Variants in ARK2N observed in about 807,000 individuals in gnomAD.
The protein encoded by ARK2N is arkadia (RNF111) N-terminal like PKA signaling regulator 2N.
the ARK2N span, among the ~76,000 whole-genome samples, chr18:46,192,270 A>G: frequency 6.6e-6 from 1 of 152,084 alleles, no homozygotes; most frequent in African/African-American, 2.4e-5. Context: ...TAGAGCAGAG[A>G]GTGATTAAGA....
the ARK2N span, among the ~76,000 whole-genome samples, chr18:46,246,495 A>G: frequency 6.6e-6 from 1 of 152,128 alleles, no homozygotes; most frequent in Admixed American, 6.5e-5. Flanking sequence ...GTGTGGCACA[A>G]TTTATCTAAG....
the ARK2N span, chr18:46,215,735 A>G: frequency 4.2e-6 from 3 of 718,642 alleles, no homozygotes; most frequent in South Asian, 2.0e-5. Context: ...TGCCCCACCC[A>G]CTTAGAAAGG....
chr18:46,247,054 C>T, the ARK2N span, among the ~76,000 whole-genome samples: 1 of 151,628 alleles, frequency 6.6e-6, no homozygotes, highest in Non-Finnish European at 1.5e-5. Context: ...ATTTTTATGG[C>T]AAAAATTGCA....
chr18:46,238,715 A>G, the ARK2N span, among the ~76,000 whole-genome samples: 1 of 152,230 alleles, frequency 6.6e-6, no homozygotes, highest in Non-Finnish European at 1.5e-5. Context: ...TTTAAAAAAT[A>G]TTACTACATA....
the ARK2N span, among the ~76,000 whole-genome samples, chr18:46,208,521 G>C: frequency 7.6e-6 from 1 of 131,224 alleles, no homozygotes; most frequent in Non-Finnish European, 1.6e-5. Flanking sequence ...CCAGGCTAGA[G>C]TGCAATGGCG....
At chr18:46,259,263 A>G in the ARK2N span, among the ~76,000 whole-genome samples, 10 of 123,626 alleles carry the variant, frequency 8.1e-5, no homozygotes, top group Admixed American at 8.4e-4. Context: ...TTTTTTTTTG[A>G]GACAGAGTCT....
At chr18:46,262,943 G>A in the ARK2N span, 18 of 1,613,854 alleles carry the variant, frequency 1.1e-5, no homozygotes, top group South Asian at 1.1e-4. Context: ...GTTCATCCTC[G>A]AGGTGGTGTG....
the ARK2N span, chr18:46,232,914 GA>G: frequency 6.6e-6 from 1 of 152,098 alleles, no homozygotes; most frequent in Non-Finnish European, 1.5e-5. Context: ...TAACCTAGAT[GA>G]ATAAAAATTT....
At chr18:46,192,198 AC>A in the ARK2N span, among the ~76,000 whole-genome samples, 17 of 152,226 alleles carry the variant, frequency 1.1e-4, no homozygotes, top group East Asian at 3.3e-3. Context: ...CTTTCTCTTG[AC>A]TTTACCAATT....
chr18:46,239,994 T>C, the ARK2N span: 1 of 1,612,740 alleles, frequency 6.2e-7, no homozygotes, highest in South Asian at 1.1e-5. Flanking sequence ...TACATTTTCT[T>C]TCCTCCCTAG....
the ARK2N span, among the ~76,000 whole-genome samples, chr18:46,186,498 ATTT>A: frequency 8.7e-4 from 71 of 81,862 alleles, no homozygotes; most frequent in African/African-American, 2.7e-3. Context: ...CCAACTGGTG[ATTT>A]TTTTTTTTTT....
chr18:46,223,567 C>T, the ARK2N span, among the ~76,000 whole-genome samples: 2 of 152,098 alleles, frequency 1.3e-5, no homozygotes, highest in South Asian at 4.1e-4. Context: ...CATAAAAGGC[C>T]ACTATGTGAT....
the ARK2N span, among the ~76,000 whole-genome samples, chr18:46,183,792 A>C: frequency 3.8e-3 from 577 of 152,208 alleles, 3 homozygotes; most frequent in Non-Finnish European, 6.4e-3. Context: ...ATCCCAGCAA[A>C]TAATTGAAAG....
At chr18:46,210,532 T>C in the ARK2N span, among the ~76,000 whole-genome samples, 3 of 152,160 alleles carry the variant, frequency 2.0e-5, no homozygotes, top group Non-Finnish European at 4.4e-5. Context: ...GGTATTTGGG[T>C]GGACTGGTAT....
chr18:46,184,041 T>A, the ARK2N span, among the ~76,000 whole-genome samples: 1 of 147,828 alleles, frequency 6.8e-6, no homozygotes, highest in African/African-American at 2.7e-5. Flanking sequence ...CCCGGGCTGG[T>A]GTGCAGTGGC....
chr18:46,256,213 G>A, the ARK2N span, among the ~76,000 whole-genome samples: 1 of 152,174 alleles, frequency 6.6e-6, no homozygotes, highest in Non-Finnish European at 1.5e-5. Flanking sequence ...CTTAAATAGG[G>A]AAGGAATAGG....
the ARK2N span, chr18:46,218,596 T>C: frequency 3.3e-5 from 5 of 152,198 alleles, no homozygotes; most frequent in Non-Finnish European, 7.3e-5. Context: ...AGAGTTCAAA[T>C]ATTAGGAATT....
the ARK2N span, among the ~76,000 whole-genome samples, chr18:46,236,887 G>A: frequency 6.9e-6 from 1 of 145,894 alleles, no homozygotes; most frequent in Admixed American, 6.8e-5. Context: ...TTTTTGAGAT[G>A]GAATCTTGCT....
At chr18:46,226,757 T>C in the ARK2N span, among the ~76,000 whole-genome samples, 1 of 152,066 alleles carries the variant, frequency 6.6e-6, no homozygotes, top group Non-Finnish European at 1.5e-5. Flanking sequence ...AATTTGTAAG[T>C]TTGCTGACAC....
Sources: allele counts gnomAD v4.1 joint callset (sites outside exome capture counted in the v4.1 genomes callset), GRCh38; gene constraint gnomAD v4.1.1; transcripts MANE v1.5; gene names NCBI Gene and HGNC (gene_info 2026-07-23, HGNC 2026-07-21).